The following RNF144A variants were observed in gnomAD, a reference collection of about 807,000 sequenced individuals.
RNF144A encodes the protein ring finger protein 144A, also known as E3 ubiquitin-protein ligase RNF144A.
A neutral mutation model predicts 38.7 loss-of-function variants in RNF144A; 11 were observed. The observed-to-expected ratio is 0.28, with a 90% CI of 0.18 to 0.47. The LOEUF (loss-of-function observed/expected upper bound fraction) is 0.47. Ranked by LOEUF, RNF144A falls within the 20% of genes least tolerant of loss-of-function variation. RNF144A has a pLI of 0.99. For missense variants in RNF144A, 316 were observed against 377.2 expected, an observed-to-expected ratio of 0.84 and a Z score of 1.34; for synonymous variants, 149 against 143.9, an observed-to-expected ratio of 1.04 and a Z score of -0.25.
In RNF144A at chr2:7,040,266, T is replaced by C. The variant is rs1274213037; in HGVS notation, c.*506T>C. 2.0e-6 allele frequency: 2 copies of C among 985,610 alleles called. No homozygotes were observed. Among genetic ancestry groups the C allele is most frequent in the African/African-American group, 1.7e-5 (1 of 57,244 alleles). 61.1% of individuals were successfully genotyped at this position (985,610 alleles called of 1,614,324 possible). ...TTTTAGAAGGTATTTTTTTTCCAAC[T>C]GAGTAGTGAAAATCAACAAGGTGCA... On this transcript the variant is annotated 3_prime_UTR_variant, in exon 9 of 9. Coordinates refer to ENST00000320892, the MANE Select transcript of RNF144A (RefSeq NM_014746.6).
chr2:7,045,519 A>G (rs61743212), downstream of RNF144A, among the ~76,000 whole-genome samples: 95 of 152,252 alleles, frequency 6.2e-4, no homozygotes, highest in Middle Eastern at 3.4e-3. Flanking sequence ...GCAGGTTCCC[A>G]CGGCGTTCTC....
At chr2:7,026,485 T>G (rs1038066021) in intron 7 of RNF144A, among the ~76,000 whole-genome samples, 8 of 150,318 alleles carry the variant, frequency 5.3e-5, no homozygotes, top group African/African-American at 1.7e-4. Context: ...TATTTTTGTA[T>G]TTTACTGTAT....
intron 5 of RNF144A, among the ~76,000 whole-genome samples, chr2:7,015,033 G>A (rs114805282): frequency 0.024 from 3,689 of 152,296 alleles, 64 homozygotes; most frequent in Non-Finnish European, 0.036. Context: ...GGCTCCTGGG[G>A]GAGGCTTAAA....
intron 3 of RNF144A, 121 bp downstream of exon 3, chr2:6,997,182 T>C: frequency 1.1e-6 from 1 of 895,912 alleles, no homozygotes; most frequent in Non-Finnish European, 1.8e-6. Flanking sequence ...AGTCTTCTTG[T>C]TGAGGCCTTC....
rs533360249 is a variant in RNF144A, at chr2:6,962,380, G to T, written c.-12+21233G>T. ...GGTCACCCTTTTCTATGGTGCAGCT[G>T]CTGGCATCCCCCATAGAAGTTTCTG... On this transcript the variant is annotated intron_variant, in intron 2 of 8. Coordinates refer to ENST00000320892, the MANE Select transcript of RNF144A (RefSeq NM_014746.6). The surrounding 1 kb of genome is among the most constrained non-coding windows in gnomAD (Gnocchi z 4.1). Among the ~76,000 whole-genome samples the T allele has an allele frequency of 6.6e-6, 1 of 152,212 alleles. No homozygotes were observed. Among genetic ancestry groups the T allele is most frequent in the Non-Finnish European group, 1.5e-5 (1 of 68,038 alleles).
rs1196031487 is a variant in RNF144A, at chr2:7,014,696, T to G, written c.241-16T>G. 7.4e-7 allele frequency: 1 copy of G among 1,352,394 alleles called. No homozygotes were observed. Among genetic ancestry groups the G allele is most frequent in the African/African-American group, 3.8e-5 (1 of 26,416 alleles). 83.8% of individuals were successfully genotyped at this position (1,352,394 alleles called of 1,614,324 possible). A position where few individuals can be genotyped will look rare whatever the true frequency, so the allele number is the denominator to read the frequency against. ...CAGCTTGTTATCATTCCTGTTTGCA[T>G]TTTTTTTTCCCTTAGATTGAGTGCA... On this transcript the variant is annotated splice_polypyrimidine_tract_variant and intron_variant, in intron 4 of 8. Transcript: ENST00000320892.
Position 7,030,210 on chromosome 2 carries a change from A to G in RNF144A, c.742A>G (p.Thr248Ala), listed in dbSNP as rs200030481. ...CCGGGCATCTGTGATCTGGCATCGGACACAGGTAGGAGGTGATTTGCCTGG... is the reference window on the plus strand; with the variant it reads ...CCGGGCATCTGTGATCTGGCATCGGGCACAGGTAGGAGGTGATTTGCCTGG... Reference protein sequence around the residue: ...HSRASVIWHRTQVVGIFAGFG... With the variant: ...HSRASVIWHRAQVVGIFAGFG... The change falls in exon 8 of 9, where the codon ACA becomes GCA. Residue 248 changes from threonine (T) to alanine (A), a missense_variant. Transcript: ENST00000320892. The G allele has an allele frequency of 1.2e-6, 2 of 1,611,312 alleles. No individual in the cohort carries two copies. The highest frequency in any genetic ancestry group is 1.7e-6 in the Non-Finnish European group (2 of 1,177,992).
chr2:6,980,971 A>AG (rs1426093349), intron 2 of RNF144A, among the ~76,000 whole-genome samples: 1 of 152,246 alleles, frequency 6.6e-6, no homozygotes, highest in East Asian at 1.9e-4. Flanking sequence ...GCCAAGGCTT[A>AG]GGGCTTGCAC....
chr2:7,023,603 A>G (rs547501783), intron 6 of RNF144A, among the ~76,000 whole-genome samples: 1 of 152,346 alleles, frequency 6.6e-6, no homozygotes, highest in South Asian at 2.1e-4. Flanking sequence ...TTAAAAATTA[A>G]CAGCATGGGG....
intron 1 of RNF144A, among the ~76,000 whole-genome samples, chr2:6,937,583 A>G (rs1665673165): frequency 6.6e-6 from 1 of 152,156 alleles, no homozygotes; most frequent in Non-Finnish European, 1.5e-5. Flanking sequence ...AAGACACTAT[A>G]TTGTCTTTTG....
At chr2:7,047,814 A>G (rs992303991), downstream of RNF144A, among the ~76,000 whole-genome samples, 14 of 152,186 alleles carry the variant, frequency 9.2e-5, no homozygotes, top group South Asian at 2.1e-4. Flanking sequence ...GTTGTGTTTC[A>G]TGCTCACAAA....
At chr2:6,975,988 C>A (rs1332256743) in intron 2 of RNF144A, among the ~76,000 whole-genome samples, 1 of 152,196 alleles carries the variant, frequency 6.6e-6, no homozygotes, top group Admixed American at 6.5e-5. Flanking sequence ...TTCATCCTTT[C>A]TTCAGCGGCA....
At chr2:7,033,684 G>C (rs1337287615) in intron 8 of RNF144A, among the ~76,000 whole-genome samples, 2 of 152,156 alleles carry the variant, frequency 1.3e-5, no homozygotes, top group African/African-American at 4.8e-5. Flanking sequence ...TGTCATCCAA[G>C]AAGAGCCCTC....
intron 5 of RNF144A, among the ~76,000 whole-genome samples, chr2:7,016,355 CAGAG>C (rs989939723): frequency 6.6e-6 from 1 of 151,984 alleles, no homozygotes; most frequent in African/African-American, 2.4e-5. Context: ...GAATATTTTC[CAGAG>C]AGAATCTTGA....
intron 2 of RNF144A, among the ~76,000 whole-genome samples, chr2:6,951,090 T>A (rs946583249): frequency 6.6e-6 from 1 of 152,224 alleles, no homozygotes; most frequent in Non-Finnish European, 1.5e-5. Flanking sequence ...TCTGAGGTCA[T>A]AAGTCACTCT....
Position 6,958,974 on chromosome 2 carries a change from C to T in RNF144A, c.-12+17827C>T, listed in dbSNP as rs1667172493. Reference sequence around the variant, plus strand: ...GATCATCTTGCAGGTGCAGCGTGGGCGTCCAGTTACTGCTCTCCGGGGCTT... The same window carrying T: ...GATCATCTTGCAGGTGCAGCGTGGGTGTCCAGTTACTGCTCTCCGGGGCTT... On this transcript the variant is annotated intron_variant, in intron 2 of 8. Coordinates refer to ENST00000320892, the MANE Select transcript of RNF144A (RefSeq NM_014746.6). The surrounding 1 kb of genome is among the most constrained non-coding windows in gnomAD (Gnocchi z 4.5). 1.3e-5 allele frequency among the ~76,000 whole-genome samples: 2 copies of T among 152,178 alleles called. No homozygotes were observed.
the RNF144A span, among the ~76,000 whole-genome samples, chr2:7,073,773 G>T: frequency 1.3e-5 from 2 of 152,224 alleles, no homozygotes; most frequent in Non-Finnish European, 2.9e-5. Context: ...ATGAGGTGAA[G>T]ATATAAATTG....
intron 1 of RNF144A, among the ~76,000 whole-genome samples, chr2:6,936,777 A>G (rs948552608): frequency 2.0e-5 from 3 of 151,972 alleles, no homozygotes; most frequent in Non-Finnish European, 4.4e-5. Flanking sequence ...AGACAAGCAC[A>G]CTGTTAGGAA....
Position 7,030,149 on chromosome 2 carries a change from C to G in RNF144A, c.681C>G (p.Tyr227Ter). Residue 227 changes from tyrosine to a stop codon, truncating the protein, a stop_gained, in exon 8 of 9, where the codon TAC (tyrosine) becomes TAG (stop). Coordinates refer to ENST00000320892, the MANE Select transcript of RNF144A (RefSeq NM_014746.6). LOFTEE classifies it high-confidence loss of function. ...SLDDDFLLIH[Y>*]DKGPCRNKLG... ...AGGATGATTTCCTTCTGATACACTA[C>G]GATAAGGGACCCTGCCGGAACAAGC... 6.2e-7 allele frequency: 1 copy of G among 1,613,800 alleles called. No individual in the cohort carries two copies. Among genetic ancestry groups the G allele is most frequent in the Non-Finnish European group, 8.5e-7 (1 of 1,179,768 alleles).
Sources: gnomAD v4.1 joint callset for allele counts (sites outside exome capture counted in the v4.1 genomes callset) on GRCh38, gnomAD v4.1.1 for gene constraint, Gnocchi (gnomAD v3.1) non-coding constraint, MANE v1.5 for transcripts, NCBI Gene and HGNC (gene_info 2026-07-23, HGNC 2026-07-21) for gene names.